The following CFAP45 variants were observed in gnomAD, a reference collection of about 807,000 sequenced individuals.
CFAP45 encodes cilia and flagella associated protein 45.
Under a neutral mutation model 75.6 loss-of-function variants are expected in CFAP45, and 43 were observed. That is an observed-to-expected ratio of 0.57 (90% CI 0.45 to 0.73). The LOEUF (loss-of-function observed/expected upper bound fraction) is 0.73. Among genes scored for constraint, CFAP45 ranks in the 30% least tolerant of loss-of-function variants. CFAP45 has a pLI of 0.00. For missense variants in CFAP45, 689 were observed against 701.5 expected, an observed-to-expected ratio of 0.98 and a Z score of 0.20; for synonymous variants, 223 against 244.6, an observed-to-expected ratio of 0.91 and a Z score of 0.82.
At chr1:159,883,626 ATATAT>A (rs1557913191) in intron 7 of CFAP45, among the ~76,000 whole-genome samples, 8,838 of 130,834 alleles carry the variant, frequency 0.068, 430 homozygotes, top group African/African-American at 0.18. Flanking sequence ...ACAATAAAAT[ATATAT>A]ATATATATAT....
intron 6 of CFAP45, among the ~76,000 whole-genome samples, chr1:159,885,147 C>T (rs957481268): frequency 5.9e-5 from 9 of 152,056 alleles, no homozygotes; most frequent in Non-Finnish European, 7.4e-5. Flanking sequence ...ATGGAGTGCT[C>T]GAATGGCTTC....
At chr1:159,899,820 G>T (rs1336189768) in intron 1 of CFAP45, among the ~76,000 whole-genome samples, 1 of 152,136 alleles carries the variant, frequency 6.6e-6, no homozygotes, top group Non-Finnish European at 1.5e-5. Context: ...CAGAGGCCCC[G>T]CTGTAATGGC....
rs779588380 is a variant in CFAP45, at chr1:159,887,840, C to A, written c.588+1G>T. 1 of 1,609,882 alleles carries A rather than the reference C, an allele frequency of 6.2e-7. No individual in the cohort carries two copies. Among genetic ancestry groups the A allele is most frequent in the South Asian group, 1.1e-5 (1 of 90,804 alleles). On this transcript the variant is annotated splice_donor_variant, in intron 5 of 11. Transcript: ENST00000368099. LOFTEE classifies it high-confidence loss of function. Reference sequence around the variant, plus strand: ...AGGGAAGGGAGAGACGAAGAGCCCACCTTGCTCATGTCCTTGAGCTCCTCC... The same window carrying A: ...AGGGAAGGGAGAGACGAAGAGCCCAACTTGCTCATGTCCTTGAGCTCCTCC...
At chr1:159,896,338 C>T (rs1649950473) in intron 1 of CFAP45, among the ~76,000 whole-genome samples, 1 of 152,178 alleles carries the variant, frequency 6.6e-6, no homozygotes, top group African/African-American at 2.4e-5. Context: ...GGCCACTGAG[C>T]AGGACAGAGG....
At chr1:159,884,135 T>G (rs1465414643) in intron 7 of CFAP45, among the ~76,000 whole-genome samples, 1 of 152,230 alleles carries the variant, frequency 6.6e-6, no homozygotes, top group Non-Finnish European at 1.5e-5. Context: ...TCCCTATGTT[T>G]ACTTGTGCAA....
intron 1 of CFAP45, among the ~76,000 whole-genome samples, chr1:159,896,203 G>A (rs1571191122): frequency 6.6e-6 from 1 of 152,236 alleles, no homozygotes; most frequent in African/African-American, 2.4e-5. Context: ...CAGACTGCAG[G>A]TTCCTCCAGG....
chr1:159,895,544 A>G (rs184407670), intron 1 of CFAP45, among the ~76,000 whole-genome samples: 117 of 152,340 alleles, frequency 7.7e-4, no homozygotes, highest in Admixed American at 7.5e-3. Context: ...GAACAATGCT[A>G]TATGTGCATT....
Position 159,887,986 on chromosome 1 carries a change from ATCT to A in CFAP45, c.440_442del (p.Lys147del), listed in dbSNP as rs1232929809. On this transcript the variant is annotated inframe_deletion, in exon 5 of 12. Coordinates refer to ENST00000368099, the MANE Select transcript of CFAP45 (RefSeq NM_012337.3). Reference sequence around the variant, plus strand: ...CCACACCATCTCCTTCTGTTTCATGATCTTCTTTCGTGTCATCACTGCATCCTA... The same window carrying A: ...CCACACCATCTCCTTCTGTTTCATGATCTTTCGTGTCATCACTGCATCCTA... 4 of 1,613,954 alleles carry A rather than the reference ATCT, an allele frequency of 2.5e-6. No individual in the cohort carries two copies. The highest frequency in any genetic ancestry group is 3.4e-6 in the Non-Finnish European group (4 of 1,180,026).
chr1:159,897,327 T>C (rs1649974299), intron 1 of CFAP45, among the ~76,000 whole-genome samples: 1 of 151,958 alleles, frequency 6.6e-6, no homozygotes, highest in African/African-American at 2.4e-5. Context: ...CTCACGCCTG[T>C]AATCCCAGCA....
chr1:159,878,046 C>T (rs12402470), intron 8 of CFAP45, among the ~76,000 whole-genome samples: 7,957 of 152,196 alleles, frequency 0.052, 536 homozygotes, highest in East Asian at 0.28. Flanking sequence ...GATGAGGAAA[C>T]GGATGGTCAG....
chr1:159,889,175 T>G (rs574678840), intron 3 of CFAP45, among the ~76,000 whole-genome samples: 1 of 152,018 alleles, frequency 6.6e-6, no homozygotes, highest in East Asian at 1.9e-4. Flanking sequence ...GAGACATGTC[T>G]ATAGACCTCT....
Sources: gnomAD v4.1 joint callset for allele counts (sites outside exome capture counted in the v4.1 genomes callset) on GRCh38, gnomAD v4.1.1 for gene constraint, MANE v1.5 for transcripts, NCBI Gene and HGNC (gene_info 2026-07-23, HGNC 2026-07-21) for gene names.